Variants in WDR7 observed in about 807,000 individuals in gnomAD.
WDR7 encodes the protein WD repeat-containing protein 7.
WDR7 carries 46 observed loss-of-function variants against 169.4 expected under a neutral mutation model. The ratio of observed to expected loss-of-function variants is 0.27; its 90% CI spans 0.21 to 0.35. The LOEUF is 0.35. WDR7 is among the 10% of genes least tolerant of loss of function. The probability of loss-of-function intolerance (pLI) is 1.00; values close to 1 mark genes in which losing one functional copy is unlikely to be tolerated. For missense variants in WDR7, 1,534 were observed against 1,859.3 expected (o/e 0.83, Z 3.22); for synonymous variants, 612 against 666.8 (o/e 0.92, Z 1.27).
At chr18:56,825,687 CTT>C (rs2045190501) in intron 20 of WDR7, among the ~76,000 whole-genome samples, 1 of 152,064 alleles carries the variant, frequency 6.6e-6, no homozygotes. Context: ...TATATTATGA[CTT>C]GTCATTTTCT....
At chr18:56,881,043 G>A (rs2046100462) in intron 21 of WDR7, among the ~76,000 whole-genome samples, 1 of 152,126 alleles carries the variant, frequency 6.6e-6, no homozygotes. Context: ...CTTTAAGCAA[G>A]AGAAAAAGAT....
chr18:56,992,727 T>A (rs1014053499), intron 26 of WDR7, among the ~76,000 whole-genome samples: 18 of 152,218 alleles, frequency 1.2e-4, no homozygotes, highest in Non-Finnish European at 1.8e-4. Context: ...TTCTGGCGCA[T>A]TGTCTTCCTC....
chr18:56,822,536 T>C (rs1273243296), intron 20 of WDR7, among the ~76,000 whole-genome samples: 1 of 152,246 alleles, frequency 6.6e-6, no homozygotes, highest in Non-Finnish European at 1.5e-5. Context: ...ATATTATGTA[T>C]TCAGAAACCA....
At chr18:56,958,134 C>G (rs1322800151) in intron 25 of WDR7, among the ~76,000 whole-genome samples, 1 of 152,094 alleles carries the variant, frequency 6.6e-6, no homozygotes, top group Non-Finnish European at 1.5e-5. Context: ...TGGCAAACTC[C>G]CAAGCAACAT....
intron 26 of WDR7, among the ~76,000 whole-genome samples, chr18:56,991,142 C>CCTTTTTTT (rs1599225543): frequency 1.4e-5 from 1 of 74,046 alleles, no homozygotes; most frequent in African/African-American, 5.5e-5. Context: ...ACCTTCTCCT[C>CCTTTTTTT]ATTTTTTTTT....
intron 19 of WDR7, among the ~76,000 whole-genome samples, chr18:56,792,494 G>A (rs2044505034): frequency 2.0e-5 from 3 of 152,044 alleles, no homozygotes; most frequent in Admixed American, 2.0e-4. Flanking sequence ...AAAAGGAGGG[G>A]AGCGAATAAA....
intron 21 of WDR7, among the ~76,000 whole-genome samples, chr18:56,901,102 TA>T (rs2046395002): frequency 6.6e-6 from 1 of 152,192 alleles, no homozygotes; most frequent in African/African-American, 2.4e-5. Flanking sequence ...CTTGGTTCTT[TA>T]TAATGCTAAT....
At chr18:56,779,192 T>C (rs1311177482) in intron 17 of WDR7, among the ~76,000 whole-genome samples, 1 of 152,190 alleles carries the variant, frequency 6.6e-6, no homozygotes, top group Non-Finnish European at 1.5e-5. Flanking sequence ...CCAGTGGAAA[T>C]TTATTTTTAT....
At chr18:56,960,044 A>T (rs1001828542) in intron 25 of WDR7, among the ~76,000 whole-genome samples, 2 of 152,208 alleles carry the variant, frequency 1.3e-5, no homozygotes, top group African/African-American at 4.8e-5. Flanking sequence ...GTTTAACAAG[A>T]AATCCTAAGA....
At position 56,691,733 on chromosome 18, in the gene WDR7, T is replaced by C. The variant is rs755539297; in HGVS notation, c.882T>C (p.Asp294=). The change falls in exon 9 of 28, where the codon GAT becomes GAC. Residue 294 remains aspartate, a synonymous_variant. Coordinates refer to ENST00000254442, the MANE Select transcript of WDR7 (RefSeq NM_015285.3). The part of the protein sequence containing the change: ...KLPASCLPAS[D]SFRSDVGKAV... Reference sequence around the variant, plus strand: ...TATTCAGTTGCCTTCCAGCTAGTGATTCATTCCGCAGTGATGTGGGGAAGG... The same window carrying C: ...TATTCAGTTGCCTTCCAGCTAGTGACTCATTCCGCAGTGATGTGGGGAAGG... 2 of 1,610,416 alleles carry C rather than the reference T, an allele frequency of 1.2e-6. No individual in the cohort carries two copies. The highest frequency in any genetic ancestry group is 2.2e-5 in the East Asian group (1 of 44,682).
intron 14 of WDR7, chr18:56,753,335 A>G (rs972339744): frequency 1.1e-4 from 16 of 152,214 alleles, no homozygotes; most frequent in Non-Finnish European, 1.5e-4. Flanking sequence ...CCAATTTTAT[A>G]TAATTTTCAT....
intron 19 of WDR7, among the ~76,000 whole-genome samples, chr18:56,785,479 G>T (rs9963642): frequency 0.026 from 4,014 of 152,132 alleles, 72 homozygotes; most frequent in African/African-American, 0.051. Flanking sequence ...AAGCAATCTT[G>T]GCAGCTCCTA....
Position 56,691,338 on chromosome 18 carries a change from T to A in WDR7, c.840T>A (p.Ser280Arg). The A allele has an allele frequency of 6.3e-7, 1 of 1,593,940 alleles. No homozygotes were observed. Among genetic ancestry groups the A allele is most frequent in the Non-Finnish European group, 8.5e-7 (1 of 1,175,680 alleles). Residue 280 changes from serine (S) to arginine (R), a missense_variant, in exon 8 of 28, where the codon AGT (serine) becomes AGA (arginine). Ser to Arg is a moderately radical substitution (Grantham distance 110). Coordinates refer to ENST00000254442, the MANE Select transcript of WDR7 (RefSeq NM_015285.3). ...TCATTTGGACAGAAAATGGGCAAAGTTATATTTACAAACTACCTGCCAGGT... is the reference window on the plus strand; with the variant it reads ...TCATTTGGACAGAAAATGGGCAAAGATATATTTACAAACTACCTGCCAGGT... ...KVIIWTENGQ[S>R]YIYKLPASCL...
chr18:57,009,783 A>C, intron 26 of WDR7: 1 of 929,114 alleles, frequency 1.1e-6, no homozygotes, highest in Non-Finnish European at 1.3e-6. Flanking sequence ...CATAATTTCA[A>C]AAAATATAAA....
intron 19 of WDR7, among the ~76,000 whole-genome samples, chr18:56,783,435 C>T (rs2044349437): frequency 6.6e-6 from 1 of 151,800 alleles, no homozygotes. Context: ...ATATAAGATC[C>T]CCAAAATTAA....
At chr18:56,696,151 T>C in intron 11 of WDR7, 91 bp from the exon 12 acceptor site, 4 of 1,052,760 alleles carry the variant, frequency 3.8e-6, no homozygotes, top group Non-Finnish European at 5.5e-6. Flanking sequence ...ATATAATTTG[T>C]AGCTATTCTA....
intron 21 of WDR7, among the ~76,000 whole-genome samples, chr18:56,923,282 A>G (rs2145641267): frequency 6.6e-6 from 1 of 152,376 alleles, no homozygotes; most frequent in South Asian, 2.1e-4. Flanking sequence ...AAAGGAATAC[A>G]TGTTCATTAA....
At position 56,725,233 on chromosome 18, in the gene WDR7, T is replaced by G. The variant is rs2026418911; in HGVS notation, c.1775-6150T>G. Among the ~76,000 whole-genome samples, 2 of 150,778 alleles carry G rather than the reference T, an allele frequency of 1.3e-5. 1 individual carries two copies. Among genetic ancestry groups the G allele is most frequent in the African/African-American group, 5.0e-5 (2 of 40,048 alleles). On this transcript the variant is annotated intron_variant, in intron 13 of 27. Transcript: ENST00000254442. ...AGATCCCTGAGGAATCACCACACTG[T>G]CTTCCACAATGGTTGAACTAGTTTA... is the stretch of plus-strand genomic sequence containing the variant.
chr18:56,887,832 C>T (rs924028525), intron 21 of WDR7, among the ~76,000 whole-genome samples: 3 of 152,094 alleles, frequency 2.0e-5, no homozygotes, highest in Non-Finnish European at 4.4e-5. Flanking sequence ...CTAAATGACC[C>T]TCTGTCTTAC....
Sources: allele counts gnomAD v4.1 joint callset (sites outside exome capture counted in the v4.1 genomes callset), GRCh38; gene constraint gnomAD v4.1.1; transcripts MANE v1.5; gene names NCBI Gene and HGNC (gene_info 2026-07-23, HGNC 2026-07-21).